Variants in NDUFS3 observed in about 807,000 individuals in gnomAD.
NDUFS3 encodes the protein NADH dehydrogenase [ubiquinone] iron-sulfur protein 3, mitochondrial.
In NDUFS3, 19 loss-of-function variants were observed where a neutral mutation model predicts 30.8. The observed-to-expected ratio is 0.62, with a 90% confidence interval of 0.43 to 0.91. The LOEUF is 0.91. Among genes scored for constraint, NDUFS3 ranks in the 40% least tolerant of loss-of-function variants. The probability of loss-of-function intolerance (pLI) is 0.00; values close to 1 mark genes in which losing one functional copy is unlikely to be tolerated. For missense variants in NDUFS3, 331 were observed against 342.0 expected (o/e 0.97, Z 0.25); for synonymous variants, 153 against 135.8 (o/e 1.13, Z -0.88).
intron 6 of NDUFS3, among the ~76,000 whole-genome samples, chr11:47,583,769 T>C (rs1375288676): frequency 6.6e-6 from 1 of 152,162 alleles, no homozygotes; most frequent in East Asian, 1.9e-4. Context: ...TTCACCCCAC[T>C]CCTGCTATCT....
intron 4 of NDUFS3, 21 bp from the exon 5 acceptor site, chr11:47,582,067 A>C (rs929355728): frequency 2.5e-6 from 4 of 1,613,110 alleles, no homozygotes; most frequent in Non-Finnish European, 3.4e-6. Flanking sequence ...TCAGCCCTCC[A>C]GATCCTTCTG....
chr11:47,579,531 C>T, intron 2 of NDUFS3, 197 bp downstream of exon 2: 1 of 648,570 alleles, frequency 1.5e-6, no homozygotes, highest in Non-Finnish European at 2.7e-6. Context: ...GTTCCTTGTC[C>T]ATTTCAATCA....
chr11:47,582,491 A>G (rs1220542643), intron 6 of NDUFS3, 23 bp downstream of exon 6: 1 of 1,613,926 alleles, frequency 6.2e-7, no homozygotes, highest in Non-Finnish European at 8.5e-7. Context: ...GAACTGGGAC[A>G]GCAGCCTCAG....
chr11:47,579,363 T>C (rs189712416), intron 2 of NDUFS3, 29 bp downstream of exon 2: 1 of 1,612,316 alleles, frequency 6.2e-7, no homozygotes, highest in Admixed American at 1.7e-5. Context: ...CGCTCTTCTC[T>C]GAACTATCGG....
In NDUFS3 at chr11:47,579,630, C is replaced by T. The variant is rs1565940516; in HGVS notation, c.133+296C>T. 7.1e-6 allele frequency: 4 copies of T among 559,980 alleles called. No homozygotes were observed. The South Asian group carries it at 8.5e-5, about 12-fold the overall frequency. The allele number at this position is 559,980 out of a possible 1,614,324, so 34.7% of individuals were successfully genotyped here. A position where few individuals can be genotyped will look rare whatever the true frequency, so the allele number is the denominator to read the frequency against. On this transcript the variant is annotated intron_variant, in intron 2 of 6. Transcript: ENST00000263774. The stretch of plus-strand genomic sequence containing the variant: ...AGAGCCCTGTAATAATAGTACCTAG[C>T]GTTAATTGAGTGCTTAATGTGTGCC...
At chr11:47,584,281 C>T (rs1258212761) in intron 6 of NDUFS3, 33 bp from the exon 7 acceptor site, 3 of 1,613,624 alleles carry the variant, frequency 1.9e-6, no homozygotes, top group East Asian at 4.5e-5. Flanking sequence ...TAAGGACTTC[C>T]TTAGTGCTCA....
chr11:47,579,186 G>T (rs1292890717), intron 1 of NDUFS3, 28 bp downstream of exon 1: 1 of 1,613,336 alleles, frequency 6.2e-7, no homozygotes, highest in Admixed American at 1.7e-5. Flanking sequence ...GCTGAGACCG[G>T]GGTCAGGCGC....
rs777974776 is a variant in NDUFS3, at chr11:47,581,150, TTTTG to T, written c.381+170_381+173del. 4.0e-5 allele frequency: 32 copies of T among 802,436 alleles called. No homozygotes were observed. The East Asian group carries it at 6.6e-4, about 17-fold the overall frequency. The allele number at this position is 802,436 out of a possible 1,614,324, so 49.7% of individuals were successfully genotyped here. On this transcript the variant is annotated intron_variant, in intron 4 of 6. Transcript: ENST00000263774. The stretch of plus-strand genomic sequence containing the variant: ...TGTGGGACCTCAGATAACTCAAATA[TTTTG>T]TTTAATTTTTTTTTTTTTTAGACGG...
In NDUFS3 at chr11:47,584,394, C is replaced by G; in HGVS notation, c.708C>G (p.Asn236Lys). The G allele has an allele frequency of 1.9e-6, 3 of 1,614,162 alleles. No homozygotes were observed. Among genetic ancestry groups the G allele is most frequent in the African/African-American group, 1.3e-5 (1 of 75,034 alleles). The change falls in exon 7 of 7, where the codon AAC becomes AAG. Residue 236 changes from asparagine to lysine, a missense_variant. Asn to Lys is a moderately conservative substitution (Grantham distance 94, BLOSUM62 0). Transcript: ENST00000263774. ...LAQEFRKFDL[N>K]SPWEAFPVYR... ...AAGAGTTCCGCAAATTTGACCTGAA[C>G]AGCCCCTGGGAGGCTTTCCCAGTCT...
chr11:47,584,217 G>A, intron 6 of NDUFS3, 97 bp from the exon 7 acceptor site: 5 of 1,520,300 alleles, frequency 3.3e-6, no homozygotes, highest in Non-Finnish European at 4.6e-6. Context: ...GAGAGGAATG[G>A]GCTGGGGAAG....
At chr11:47,584,205 C>G (rs2097270046) in intron 6 of NDUFS3, 109 bp from the exon 7 acceptor site, 1 of 1,436,170 alleles carries the variant, frequency 7.0e-7, no homozygotes. Flanking sequence ...GAGTCAGTAA[C>G]CGAGAGGAAT....
Position 47,582,343 on chromosome 11 carries a change from T to C in NDUFS3, c.508-6T>C, listed in dbSNP as rs1293771300. On this transcript the variant is annotated splice_polypyrimidine_tract_variant and splice_region_variant and intron_variant, in intron 5 of 6. Coordinates refer to ENST00000263774, the MANE Select transcript of NDUFS3 (RefSeq NM_004551.3). Reference sequence around the variant, plus strand: ...GATTGGCTGTTTGAGGTGGTCTCTTTCCTAGATCTGGGACATGTTTGGAGT... The same window carrying C: ...GATTGGCTGTTTGAGGTGGTCTCTTCCCTAGATCTGGGACATGTTTGGAGT... 6.2e-7 allele frequency: 1 copy of C among 1,614,256 alleles called. No homozygotes were observed. The highest frequency in any genetic ancestry group is 1.7e-5 in the Admixed American group (1 of 60,030).
At position 47,584,017 on chromosome 11, in the gene NDUFS3, G is replaced by C. The variant is rs1163765510; in HGVS notation, c.628-297G>C. On this transcript the variant is annotated intron_variant, in intron 6 of 6. Coordinates refer to ENST00000263774, the MANE Select transcript of NDUFS3 (RefSeq NM_004551.3). Reference sequence around the variant, plus strand: ...CATTACCTTGTAAGAGTGTGTGGGTGGGTGAGCAGTCAGTTCGGAGCTCCT... The same window carrying C: ...CATTACCTTGTAAGAGTGTGTGGGTCGGTGAGCAGTCAGTTCGGAGCTCCT... Among the ~76,000 whole-genome samples the C allele has an allele frequency of 5.3e-5, 8 of 152,176 alleles. No homozygotes were observed. The East Asian group carries it at 1.5e-3, about 29-fold the overall frequency.
chr11:47,581,092 T>C, intron 4 of NDUFS3, 108 bp downstream of exon 4: 1 of 1,367,332 alleles, frequency 7.3e-7, no homozygotes, highest in South Asian at 1.2e-5. Context: ...CAAGTAGATC[T>C]GAAGTTGGAT....
At chr11:47,582,324 C>T in intron 5 of NDUFS3, 25 bp from the exon 6 acceptor site, 1 of 1,614,186 alleles carries the variant, frequency 6.2e-7, no homozygotes, top group Admixed American at 1.7e-5. Flanking sequence ...GATGGATTGG[C>T]TGTTTGAGGT....
chr11:47,580,029 A>ACC (rs1443833982), intron 2 of NDUFS3, among the ~76,000 whole-genome samples: 3 of 122,924 alleles, frequency 2.4e-5, no homozygotes, highest in African/African-American at 6.3e-5. Context: ...ACACACACAC[A>ACC]CCTGGGCCTC....
In NDUFS3 at chr11:47,579,085, G is replaced by A. The variant is rs1333520859; in HGVS notation, c.-7G>A. The A allele has an allele frequency of 6.4e-7, 1 of 1,562,034 alleles. No individual in the cohort carries two copies. On this transcript the variant is annotated 5_prime_UTR_variant, in exon 1 of 7. Transcript: ENST00000263774. ...TCCGTCCGCTGCCTAGTCTGCATCT[G>A]AGTAACATGGCGGCGGCGGCGGTAG... is the stretch of plus-strand genomic sequence containing the variant.
rs746926923 is a variant in NDUFS3 at position 47,579,093 on chromosome 11, TGGC to T, written c.14_16del (p.Ala5?). ...CTGCCTAGTCTGCATCTGAGTAACA[TGGC>T]GGCGGCGGCGGTAGCCAGGCTGTGG... On this transcript the variant is annotated start_lost and inframe_deletion, in exon 1 of 7. Transcript: ENST00000263774. 7 of 1,567,096 alleles carry T rather than the reference TGGC, an allele frequency of 4.5e-6. No homozygotes were observed. The highest frequency in any genetic ancestry group is 1.2e-5 in the South Asian group (1 of 86,724).
rs773608427 is a variant in NDUFS3, at chr11:47,580,863, G to A, written c.260G>A (p.Cys87Tyr). ...TCCTGCTTCAATGAGTTAGAGGTCT[G>A]TATCCATCCTGATGGCGTCATCCCA... Reference protein sequence around the residue: ...QVSCFNELEVCIHPDGVIPVL... With the variant: ...QVSCFNELEVYIHPDGVIPVL... The change falls in exon 4 of 7, where the codon TGT becomes TAT. Residue 87 changes from cysteine (C) to tyrosine (Y), a missense_variant. Coordinates refer to ENST00000263774, the MANE Select transcript of NDUFS3 (RefSeq NM_004551.3). The A allele has an allele frequency of 2.5e-6, 4 of 1,614,176 alleles. No homozygotes were observed. In the Admixed American group the frequency reaches 5.0e-5, roughly 20 times the overall value.
Sources: allele counts gnomAD v4.1 joint callset (sites outside exome capture counted in the v4.1 genomes callset), GRCh38; gene constraint gnomAD v4.1.1; transcripts MANE v1.5; gene names NCBI Gene and HGNC (gene_info 2026-07-23, HGNC 2026-07-21).